Variants in MAD1L1 observed in about 807,000 individuals in gnomAD.
MAD1L1 encodes mitotic spindle assembly checkpoint protein MAD1.
Under a neutral mutation model 96.9 loss-of-function variants are expected in MAD1L1, and 95 were observed. That is an observed-to-expected ratio of 0.98 (90% CI 0.83 to 1.16). The LOEUF is 1.16. Ranked by LOEUF, MAD1L1 falls within the 50% of genes most tolerant of loss-of-function variation. The probability of loss-of-function intolerance (pLI) is 0.00; values close to 1 mark genes in which losing one functional copy is unlikely to be tolerated. For synonymous variants in MAD1L1, 473 were observed against 396.6 expected (o/e 1.19, Z -2.29); for missense variants, 1,007 against 954.4 (o/e 1.06, Z -0.73).
At chr7:2,013,578 G>A (rs1176954950) in intron 13 of MAD1L1, among the ~76,000 whole-genome samples, 1 of 152,276 alleles carries the variant, frequency 6.6e-6, no homozygotes, top group African/African-American at 2.4e-5. Flanking sequence ...ATGAGACTGA[G>A]CAGTCAGGTA....
At chr7:2,020,809 G>A (rs1018265220) in intron 12 of MAD1L1, among the ~76,000 whole-genome samples, 2 of 151,490 alleles carry the variant, frequency 1.3e-5, no homozygotes, top group Non-Finnish European at 2.9e-5. Context: ...TCTAGGCTAC[G>A]GTGCAGTGGC....
intron 10 of MAD1L1, among the ~76,000 whole-genome samples, chr7:2,163,460 GCC>G (rs1192095631): frequency 6.6e-6 from 1 of 151,976 alleles, no homozygotes; most frequent in South Asian, 2.1e-4. Context: ...TGCAACCTCT[GCC>G]CCCCCGGTTC....
chr7:1,969,817 C>T (rs980820510), intron 15 of MAD1L1, among the ~76,000 whole-genome samples: 2 of 152,198 alleles, frequency 1.3e-5, no homozygotes, highest in African/African-American at 4.8e-5. Flanking sequence ...CCCAAGGAGG[C>T]ATAAGATTTG....
chr7:2,145,357 A>G (rs1223894917), intron 11 of MAD1L1, among the ~76,000 whole-genome samples: 1 of 152,196 alleles, frequency 6.6e-6, no homozygotes, highest in African/African-American at 2.4e-5. Flanking sequence ...AGAGTTCCAG[A>G]AGCTTCTTGC....
chr7:1,896,340 G>T (rs1340431501), intron 18 of MAD1L1, among the ~76,000 whole-genome samples: 2 of 152,232 alleles, frequency 1.3e-5, no homozygotes. Flanking sequence ...AGGGCCGGGG[G>T]AGCTGAGATG....
At chr7:2,020,405 C>T (rs146897362) in intron 12 of MAD1L1, among the ~76,000 whole-genome samples, 1,963 of 152,334 alleles carry the variant, frequency 0.013, 33 homozygotes, top group African/African-American at 0.044. Context: ...TGCCTTCCTG[C>T]GGCTCTGACC....
intron 17 of MAD1L1, among the ~76,000 whole-genome samples, chr7:1,919,110 C>T (rs1053866411): frequency 3.3e-5 from 5 of 152,358 alleles, no homozygotes; most frequent in Admixed American, 2.0e-4. Context: ...AGAGATCGTC[C>T]GCCTGTCACG....
In MAD1L1 at chr7:2,217,900, G is replaced by A. The variant is rs554495588; in HGVS notation, c.678+62C>T. The A allele has an allele frequency of 2.1e-6, 3 of 1,403,968 alleles. No individual in the cohort carries two copies. The South Asian group carries it at 3.5e-5, about 16-fold the overall frequency. 87.0% of individuals were successfully genotyped at this position (1,403,968 alleles called of 1,614,324 possible). On this transcript the variant is annotated intron_variant, in intron 7 of 18. Coordinates refer to ENST00000265854, the MANE Select transcript of MAD1L1 (RefSeq NM_001013836.2). ...CGGCACCAGCGCAGAAAGGCCGACA[G>A]GGGCAGGAGAGTCAAGGCCACCACA...
chr7:1,950,920 G>A (rs543745849), intron 16 of MAD1L1, among the ~76,000 whole-genome samples: 39 of 152,352 alleles, frequency 2.6e-4, no homozygotes, highest in Admixed American at 1.2e-3. Context: ...CTCCCACCAC[G>A]GCAGTGTGGT....
chr7:2,192,875 T>C (rs2128607596), intron 10 of MAD1L1, among the ~76,000 whole-genome samples: 1 of 152,366 alleles, frequency 6.6e-6, no homozygotes, highest in East Asian at 1.9e-4. Context: ...ATTTTAGTTT[T>C]AATCAGATTT....
In MAD1L1 at chr7:2,032,823, C is replaced by T. The variant is rs140783763; in HGVS notation, c.1219-18181G>A. Among the ~76,000 whole-genome samples, 437 of 152,290 alleles carry T rather than the reference C, an allele frequency of 2.9e-3. 2 individuals are homozygous for T. The highest frequency in any genetic ancestry group is 5.3e-3 in the Admixed American group (81 of 15,308). On this transcript the variant is annotated intron_variant, in intron 12 of 18. Coordinates refer to ENST00000265854, the MANE Select transcript of MAD1L1 (RefSeq NM_001013836.2). Reference sequence around the variant, plus strand: ...AACTCAGCCTGGAGAGGGAGGCAGACGTGAGCACTGTAAGAACAGGCGAGG... The same window carrying T: ...AACTCAGCCTGGAGAGGGAGGCAGATGTGAGCACTGTAAGAACAGGCGAGG...
At chr7:2,166,514 C>T (rs1226129826) in intron 10 of MAD1L1, among the ~76,000 whole-genome samples, 1 of 152,210 alleles carries the variant, frequency 6.6e-6, no homozygotes, top group East Asian at 1.9e-4. Flanking sequence ...AAACAAATGC[C>T]ATAATTTTCT....
rs60182567 is a variant in MAD1L1, at chr7:1,883,976, C to A, written c.1998+14224G>T. Among the ~76,000 whole-genome samples the A allele has an allele frequency of 9.9e-3, 1,505 of 152,308 alleles. 20 individuals carry two copies. The highest frequency in any genetic ancestry group is 0.035 in the African/African-American group (1,443 of 41,570). On this transcript the variant is annotated intron_variant, in intron 18 of 18. Transcript: ENST00000265854. ...AGCTGAAGGAAGCCTGGAGGAGGAACCGCAGGCCCCGCGCTGCACAGTGCA... is the reference window on the plus strand; with the variant it reads ...AGCTGAAGGAAGCCTGGAGGAGGAAACGCAGGCCCCGCGCTGCACAGTGCA...
At chr7:2,196,180 TTC>T (rs1385489622) in intron 10 of MAD1L1, among the ~76,000 whole-genome samples, 1 of 152,086 alleles carries the variant, frequency 6.6e-6, no homozygotes, top group East Asian at 1.9e-4. Context: ...GTCCACAGGG[TTC>T]TGAGGAAGAA....
At chr7:1,993,658 C>T (rs948801239) in intron 14 of MAD1L1, among the ~76,000 whole-genome samples, 6 of 152,168 alleles carry the variant, frequency 3.9e-5, no homozygotes, top group Non-Finnish European at 7.3e-5. Context: ...ATTTTCTGGG[C>T]GAAGAAACCA....
chr7:1,868,669 G>C (rs369996889), intron 18 of MAD1L1, among the ~76,000 whole-genome samples: 2 of 152,344 alleles, frequency 1.3e-5, no homozygotes, highest in East Asian at 3.9e-4. Flanking sequence ...ATGCCGGGTA[G>C]GAGTGACACG....
intron 18 of MAD1L1, among the ~76,000 whole-genome samples, chr7:1,867,244 C>T (rs1229718379): frequency 6.6e-6 from 1 of 152,200 alleles, no homozygotes; most frequent in Non-Finnish European, 1.5e-5. Flanking sequence ...GAAGCTCATG[C>T]CCAGCCCAAG....
At chr7:1,902,029 G>A (rs1205753729) in intron 17 of MAD1L1, among the ~76,000 whole-genome samples, 2 of 152,218 alleles carry the variant, frequency 1.3e-5, no homozygotes, top group African/African-American at 4.8e-5. Context: ...AGAGGAGGAA[G>A]AACAGCAGGT....
intron 10 of MAD1L1, among the ~76,000 whole-genome samples, chr7:2,151,555 C>T (rs763633360): frequency 6.6e-6 from 1 of 152,258 alleles, no homozygotes; most frequent in African/African-American, 2.4e-5. Flanking sequence ...CTCCCTGCAG[C>T]CTGCAGAGCA....
Sources: gnomAD v4.1 joint callset for allele counts (sites outside exome capture counted in the v4.1 genomes callset) on GRCh38, gnomAD v4.1.1 for gene constraint, MANE v1.5 for transcripts, NCBI Gene and HGNC (gene_info 2026-07-23, HGNC 2026-07-21) for gene names.